The following BRD10 variants were observed in gnomAD, a reference collection of about 807,000 sequenced individuals.
BRD10 encodes the protein uncharacterized bromodomain-containing protein 10.
At chr9:6,003,348 G>A in the BRD10 span, among the ~76,000 whole-genome samples, 2 of 152,118 alleles carry the variant, frequency 1.3e-5, no homozygotes, top group African/African-American at 4.8e-5. Context: ...TTTTGGAAGA[G>A]GTAAAAATTC....
At chr9:5,888,663 C>T in the BRD10 span, among the ~76,000 whole-genome samples, 9,468 of 152,234 alleles carry the variant, frequency 0.062, 376 homozygotes, top group South Asian at 0.14. Flanking sequence ...AGGAGCTGGC[C>T]ACTGGAAGTT....
the BRD10 span, among the ~76,000 whole-genome samples, chr9:5,978,763 T>C: frequency 6.6e-6 from 1 of 152,214 alleles, no homozygotes; most frequent in African/African-American, 2.4e-5. Flanking sequence ...GCACCTTTGA[T>C]ACCAAGAACC....
the BRD10 span, among the ~76,000 whole-genome samples, chr9:5,918,424 C>T: frequency 1.9e-4 from 29 of 152,062 alleles, no homozygotes; most frequent in Admixed American, 2.6e-4. Context: ...TTATTTAAAA[C>T]GAGGCATATT....
chr9:5,964,108 G>C, the BRD10 span, among the ~76,000 whole-genome samples: 1 of 151,902 alleles, frequency 6.6e-6, no homozygotes, highest in Non-Finnish European at 1.5e-5. Flanking sequence ...TACCATCAGA[G>C]TGAACAGGCA....
chr9:5,954,625 CA>C, the BRD10 span, among the ~76,000 whole-genome samples: 1 of 152,066 alleles, frequency 6.6e-6, no homozygotes, highest in Admixed American at 6.6e-5. Flanking sequence ...TATCAATACC[CA>C]AAGTTTTAAA....
chr9:5,982,033 TTATG>T, the BRD10 span, among the ~76,000 whole-genome samples: 1 of 136,260 alleles, frequency 7.3e-6, no homozygotes, highest in Non-Finnish European at 1.5e-5. Context: ...TATTGAAATT[TTATG>T]TATGTATGTA....
chr9:5,888,684 A>AG, the BRD10 span, among the ~76,000 whole-genome samples: 1 of 152,264 alleles, frequency 6.6e-6, no homozygotes, highest in African/African-American at 2.4e-5. Flanking sequence ...GACAACGACC[A>AG]GTTGAGAACA....
the BRD10 span, among the ~76,000 whole-genome samples, chr9:5,998,897 T>C: frequency 1.3e-5 from 2 of 152,062 alleles, no homozygotes; most frequent in Non-Finnish European, 2.9e-5. Context: ...TTCTCATACT[T>C]GTCAGTAGTC....
the BRD10 span, among the ~76,000 whole-genome samples, chr9:5,934,256 G>C: frequency 2.0e-5 from 3 of 151,812 alleles, no homozygotes; most frequent in Non-Finnish European, 2.9e-5. Flanking sequence ...TTAGATCACA[G>C]ACACATGAAG....
chr9:5,985,817 T>A, the BRD10 span, among the ~76,000 whole-genome samples: 1 of 151,864 alleles, frequency 6.6e-6, no homozygotes, highest in East Asian at 1.9e-4. Context: ...AAAGAATTCT[T>A]ACAGTTCAAT....
chr9:6,001,532 C>T, the BRD10 span, among the ~76,000 whole-genome samples: 1 of 152,202 alleles, frequency 6.6e-6, no homozygotes, highest in African/African-American at 2.4e-5. Flanking sequence ...TTAATTATGC[C>T]TCCAAATACC....
At chr9:5,901,135 A>C in the BRD10 span, among the ~76,000 whole-genome samples, 1 of 152,236 alleles carries the variant, frequency 6.6e-6, no homozygotes, top group South Asian at 2.1e-4. Flanking sequence ...GAGGCTTAAA[A>C]AAAAAAGAAA....
At chr9:5,932,263 A>G in the BRD10 span, among the ~76,000 whole-genome samples, 2 of 152,164 alleles carry the variant, frequency 1.3e-5, no homozygotes, top group Non-Finnish European at 2.9e-5. Context: ...GGACAAGGGA[A>G]AAACAAAGAA....
At chr9:5,932,380 T>A in the BRD10 span, among the ~76,000 whole-genome samples, 1 of 152,266 alleles carries the variant, frequency 6.6e-6, no homozygotes, top group South Asian at 2.1e-4. Context: ...GGAAGTACAG[T>A]TGACCCTAGG....
the BRD10 span, chr9:5,919,942 A>G: frequency 1.2e-6 from 2 of 1,614,032 alleles, no homozygotes; most frequent in South Asian, 1.1e-5. Context: ...CAGAAACCAA[A>G]GATGTCTTAG....
chr9:5,999,567 G>A, the BRD10 span, among the ~76,000 whole-genome samples: 20 of 151,892 alleles, frequency 1.3e-4, no homozygotes, highest in African/African-American at 4.4e-4. Flanking sequence ...TACAACTCCC[G>A]AATATTAGCA....
chr9:5,991,887 T>C, the BRD10 span, among the ~76,000 whole-genome samples: 8 of 152,214 alleles, frequency 5.3e-5, no homozygotes, highest in Admixed American at 5.2e-4. Context: ...CATTCTGACC[T>C]TAGCTCTTTG....
At chr9:5,953,225 G>T in the BRD10 span, among the ~76,000 whole-genome samples, 1 of 151,934 alleles carries the variant, frequency 6.6e-6, no homozygotes, top group East Asian at 1.9e-4. Flanking sequence ...AAATTCATCT[G>T]AACACCACTT....
At chr9:5,953,305 C>T in the BRD10 span, among the ~76,000 whole-genome samples, 218 of 152,026 alleles carry the variant, frequency 1.4e-3, 1 homozygote, top group Middle Eastern at 0.034. Context: ...AATACAAAGA[C>T]GTTTTTAAAG....
Sources: gnomAD v4.1 joint callset for allele counts (sites outside exome capture counted in the v4.1 genomes callset) on GRCh38, gnomAD v4.1.1 for gene constraint, MANE v1.5 for transcripts, NCBI Gene and HGNC (gene_info 2026-07-23, HGNC 2026-07-21) for gene names.